Variants in LAMA2 observed in about 807,000 individuals in gnomAD.
LAMA2 encodes laminin subunit alpha-2.
A neutral mutation model predicts 364.8 loss-of-function variants in LAMA2; 269 were observed. The ratio of observed to expected loss-of-function variants is 0.74; its 90% CI spans 0.67 to 0.82. The LOEUF (loss-of-function observed/expected upper bound fraction) is 0.82, where lower values mean the gene tolerates loss of function less well. Ranked by LOEUF, LAMA2 falls within the 40% of genes least tolerant of loss-of-function variation. LAMA2 has a pLI of 0.00. For synonymous variants in LAMA2, 1,379 were observed against 1,370.6 expected, an observed-to-expected ratio of 1.01 and a Z score of -0.14; for missense variants, 3,807 against 3,873.2, an observed-to-expected ratio of 0.98 and a Z score of 0.45.
chr6:129,475,305 A>C, intron 52 of LAMA2, 85 bp from the exon 53 acceptor site: 7 of 817,642 alleles, frequency 8.6e-6, no homozygotes, highest in Non-Finnish European at 1.4e-5. Flanking sequence ...TTATGATTAA[A>C]GTTTATTGTT....
intron 40 of LAMA2, among the ~76,000 whole-genome samples, chr6:129,405,822 A>C (rs1323755671): frequency 6.6e-6 from 1 of 152,190 alleles, no homozygotes; most frequent in South Asian, 2.1e-4. Context: ...ATAAGATCTG[A>C]TATAAAAGCT....
At chr6:129,351,572 A>C (rs1331029161) in intron 31 of LAMA2, among the ~76,000 whole-genome samples, 1 of 152,200 alleles carries the variant, frequency 6.6e-6, no homozygotes, top group Non-Finnish European at 1.5e-5. Context: ...CCTTCCAAAT[A>C]AATTTGTTCC....
Position 129,118,879 on chromosome 6 carries a change from T to G in LAMA2, c.639+20464T>G, listed in dbSNP as rs910883937. ...ATGGGCTGTTGCTCCTTATCCATGA[T>G]GTGTAAGAGTGAGGAACTAAGTCTG... On this transcript the variant is annotated intron_variant, in intron 4 of 64. Coordinates refer to ENST00000421865, the MANE Select transcript of LAMA2 (RefSeq NM_000426.4). Among the ~76,000 whole-genome samples the G allele has an allele frequency of 5.9e-5, 9 of 152,314 alleles. No homozygotes were observed. In the South Asian group the frequency reaches 1.7e-3, roughly 28 times the overall value.
intron 12 of LAMA2, among the ~76,000 whole-genome samples, chr6:129,238,215 A>G (rs1785134709): frequency 1.3e-5 from 2 of 151,956 alleles, no homozygotes; most frequent in East Asian, 1.9e-4. Context: ...TTTTTTCCAC[A>G]CAAGCATTTA....
chr6:129,147,867 T>C (rs1191911032), intron 6 of LAMA2, among the ~76,000 whole-genome samples: 1 of 152,140 alleles, frequency 6.6e-6, no homozygotes, highest in Non-Finnish European at 1.5e-5. Flanking sequence ...CATATTTTTA[T>C]GGGCAAAGCT....
At chr6:129,037,313 A>G (rs1399591972) in intron 1 of LAMA2, among the ~76,000 whole-genome samples, 1 of 152,212 alleles carries the variant, frequency 6.6e-6, no homozygotes, top group African/African-American at 2.4e-5. Flanking sequence ...TGAGAGAGAG[A>G]GGAAGACAGA....
intron 1 of LAMA2, among the ~76,000 whole-genome samples, chr6:128,917,706 T>TTTTTTTCTTTCTTTC (rs1554322937): frequency 1.9e-4 from 19 of 98,386 alleles, no homozygotes; most frequent in South Asian, 3.7e-4. Flanking sequence ...TTTCTTTTTT[T>TTTTTTTCTTTCTTTC]TTTCTTTCTT....
intron 62 of LAMA2, 86 bp from the exon 63 acceptor site, chr6:129,512,277 T>C: frequency 2.3e-6 from 3 of 1,301,110 alleles, no homozygotes; most frequent in Non-Finnish European, 3.3e-6. Context: ...TGAATTGAAA[T>C]ATAATAAAAA....
chr6:128,946,767 C>T lies in LAMA2; in HGVS notation c.112+63410C>T, dbSNP rs974426887. 8.5e-5 allele frequency among the ~76,000 whole-genome samples: 13 copies of T among 152,078 alleles called. No homozygotes were observed. In the East Asian group the frequency reaches 1.4e-3, roughly 16 times the overall value. ...TTCTTTTTCTTTATCTATAAACCAG[C>T]GCCCAGTTGGAACATTTCCATATTT... is the stretch of plus-strand genomic sequence containing the variant. On this transcript the variant is annotated intron_variant, in intron 1 of 64. Transcript: ENST00000421865.
At chr6:129,315,357 GTGAGAA>G in intron 24 of LAMA2, 113 bp from the exon 25 acceptor site, 1 of 851,774 alleles carries the variant, frequency 1.2e-6, no homozygotes, top group Non-Finnish European at 1.9e-6. Context: ...TCTGTTGCTT[GTGAGAA>G]CATCATCAGA....
At chr6:129,192,570 GT>G (rs1052866176) in intron 11 of LAMA2, 109 bp from the exon 12 acceptor site, 33 of 1,028,784 alleles carry the variant, frequency 3.2e-5, no homozygotes, top group Non-Finnish European at 4.2e-5. Flanking sequence ...TTGTGGTTTG[GT>G]TTTTTTTGTT....
At chr6:129,101,739 A>G (rs971782910) in intron 4 of LAMA2, among the ~76,000 whole-genome samples, 6 of 152,240 alleles carry the variant, frequency 3.9e-5, no homozygotes, top group East Asian at 1.9e-4. Flanking sequence ...ATTATTGCAC[A>G]AAGTTCTGTT....
rs183693743 is a variant in LAMA2 at position 129,222,658 on chromosome 6, C to A, written c.1783-27454C>A. Among the ~76,000 whole-genome samples the A allele has an allele frequency of 2.1e-4, 32 of 152,204 alleles. 1 individual carries two copies. The East Asian group carries it at 6.2e-3, about 29-fold the overall frequency. ...GTTTCTAGCTTCATCCATGTCCCTA[C>A]AAAGGACGTGAACTCATCCTTTTTT... is the stretch of plus-strand genomic sequence containing the variant. On this transcript the variant is annotated intron_variant, in intron 12 of 64. Coordinates refer to ENST00000421865, the MANE Select transcript of LAMA2 (RefSeq NM_000426.4).
intron 22 of LAMA2, among the ~76,000 whole-genome samples, 194 bp from the exon 23 acceptor site, chr6:129,312,659 TATATTTCC>T (rs1443924882): frequency 6.6e-6 from 1 of 152,224 alleles, no homozygotes. Context: ...TGGACGATCA[TATATTTCC>T]ATAAATGCAG....
chr6:128,958,373 A>T (rs1293355057), intron 1 of LAMA2, among the ~76,000 whole-genome samples: 1 of 152,132 alleles, frequency 6.6e-6, no homozygotes, highest in African/African-American at 2.4e-5. Flanking sequence ...TAAAGGCAGT[A>T]AAATAATCTA....
At chr6:129,143,403 C>T (rs1414371292) in intron 4 of LAMA2, among the ~76,000 whole-genome samples, 1 of 151,244 alleles carries the variant, frequency 6.6e-6, no homozygotes, top group Non-Finnish European at 1.5e-5. Flanking sequence ...TCTAGTTTTC[C>T]TTGTAATTTT....
At chr6:129,353,075 T>C in intron 31 of LAMA2, 89 bp from the exon 32 acceptor site, 1 of 948,926 alleles carries the variant, frequency 1.1e-6, no homozygotes, top group South Asian at 1.6e-5. Context: ...GCTATCAGTT[T>C]TGTTGCATCA....
chr6:128,990,991 G>A (rs1380922731), intron 1 of LAMA2, among the ~76,000 whole-genome samples: 1 of 152,064 alleles, frequency 6.6e-6, no homozygotes, highest in African/African-American at 2.4e-5. Flanking sequence ...AAATTCCACT[G>A]TTGTTTCTTT....
rs772348522 is a variant in LAMA2 at position 129,478,829 on chromosome 6, A to G, written c.7572+16A>G. On this transcript the variant is annotated intron_variant, in intron 54 of 64. Coordinates refer to ENST00000421865, the MANE Select transcript of LAMA2 (RefSeq NM_000426.4). ...TTCCCTGGAGGTTGGTCTGTTTTTG[A>G]TAGTTCTCTAAACACATTTATATCA... 7 of 1,608,152 alleles carry G rather than the reference A, an allele frequency of 4.4e-6. No homozygotes were observed. In the East Asian group the frequency reaches 1.3e-4, roughly 31 times the overall value.
Sources: allele counts gnomAD v4.1 joint callset (sites outside exome capture counted in the v4.1 genomes callset), GRCh38; gene constraint gnomAD v4.1.1; transcripts MANE v1.5; gene names NCBI Gene and HGNC (gene_info 2026-07-23, HGNC 2026-07-21).